Variants in TNR observed in about 807,000 individuals in gnomAD.
TNR encodes the protein tenascin R, also known as tenascin-R.
TNR carries 45 observed loss-of-function variants against 150.4 expected under a neutral mutation model. That is an observed-to-expected ratio of 0.30 (90% CI 0.24 to 0.38). TNR has a LOEUF of 0.38. Ranked by LOEUF, TNR falls within the 10% of genes least tolerant of loss-of-function variation. The probability of loss-of-function intolerance (pLI) is 1.00; values close to 1 mark genes in which losing one functional copy is unlikely to be tolerated. For synonymous variants in TNR, 687 were observed against 678.4 expected, an observed-to-expected ratio of 1.01 and a Z score of -0.20; for missense variants, 1,544 against 1,759.1, an observed-to-expected ratio of 0.88 and a Z score of 2.19.
At chr1:175,513,415 G>A (rs1659275052) in intron 2 of TNR, among the ~76,000 whole-genome samples, 1 of 152,082 alleles carries the variant, frequency 6.6e-6, no homozygotes, top group Non-Finnish European at 1.5e-5. Flanking sequence ...TTTTGGAGTT[G>A]GTCTGCCTGC....
intron 1 of TNR, among the ~76,000 whole-genome samples, chr1:175,535,270 C>T (rs1660228893): frequency 6.6e-6 from 1 of 152,124 alleles, no homozygotes; most frequent in Non-Finnish European, 1.5e-5. Flanking sequence ...AAGTTACAAT[C>T]GAATAATCCT....
chr1:175,560,552 T>C (rs1661382477), intron 1 of TNR, among the ~76,000 whole-genome samples: 1 of 152,244 alleles, frequency 6.6e-6, no homozygotes, highest in South Asian at 2.1e-4. Context: ...GGGATTCCAT[T>C]TAATATGCCT....
At chr1:175,513,131 G>T (rs1659258382) in intron 2 of TNR, among the ~76,000 whole-genome samples, 1 of 152,186 alleles carries the variant, frequency 6.6e-6, no homozygotes, top group Non-Finnish European at 1.5e-5. Context: ...TAAATTGGTG[G>T]ATAACATGGT....
At chr1:175,535,444 TTTTTTG>T (rs917895557) in intron 1 of TNR, among the ~76,000 whole-genome samples, 12 of 98,840 alleles carry the variant, frequency 1.2e-4, no homozygotes, top group African/African-American at 2.5e-4. Context: ...TATTTATTTA[TTTTTTG>T]TTGTTGTTGT....
At chr1:175,687,082 T>C (rs770829020) in intron 1 of TNR, among the ~76,000 whole-genome samples, 4 of 152,192 alleles carry the variant, frequency 2.6e-5, no homozygotes, top group Non-Finnish European at 5.9e-5. Context: ...GTTGCATCTA[T>C]GCTCAGCCCC....
At chr1:175,552,705 T>G (rs1660995386) in intron 1 of TNR, among the ~76,000 whole-genome samples, 2 of 152,320 alleles carry the variant, frequency 1.3e-5, no homozygotes, top group African/African-American at 4.8e-5. Context: ...TTTGTGATAT[T>G]GAGTCTTTCT....
chr1:175,486,161 CATGTGCAGA>C (rs1658002881), intron 2 of TNR, among the ~76,000 whole-genome samples: 1 of 150,868 alleles, frequency 6.6e-6, no homozygotes, highest in African/African-American at 2.4e-5. Context: ...TTCTGGGATA[CATGTGCAGA>C]ATGTGCAGGT....
chr1:175,643,499 T>C (rs139333967), intron 1 of TNR, among the ~76,000 whole-genome samples: 2,412 of 152,304 alleles, frequency 0.016, 32 homozygotes, highest in Admixed American at 0.045. Flanking sequence ...GACACGGTGC[T>C]TTGTTGGACA....
At chr1:175,408,526 T>C (rs781401686) in intron 2 of TNR, among the ~76,000 whole-genome samples, 4 of 152,194 alleles carry the variant, frequency 2.6e-5, no homozygotes, top group South Asian at 4.1e-4. Context: ...GCTTCCAATA[T>C]GGACAGGGAG....
chr1:175,486,283 C>T (rs1658010210), intron 2 of TNR, among the ~76,000 whole-genome samples: 1 of 151,678 alleles, frequency 6.6e-6, no homozygotes. Context: ...TATCCCCCCA[C>T]CCCTCGACAG....
In TNR at chr1:175,477,611, AATC is replaced by A. The variant is rs138088448; in HGVS notation, c.-64+50655_-64+50657del. On this transcript the variant is annotated intron_variant, in intron 2 of 22. Transcript: ENST00000367674. ...AAATGGACAAGCCCACCACAATAGA[AATC>A]ATACAAATATGAGACCCAGAAAGAT... Among the ~76,000 whole-genome samples, 1,488 of 152,352 alleles carry A rather than the reference AATC, an allele frequency of 9.8e-3. 12 individuals carry two copies. Among genetic ancestry groups the A allele is most frequent in the South Asian group, 0.028 (137 of 4,828 alleles).
intron 1 of TNR, among the ~76,000 whole-genome samples, chr1:175,595,755 C>T (rs1662981784): frequency 2.6e-5 from 4 of 152,132 alleles, no homozygotes; most frequent in South Asian, 2.1e-4. Context: ...AGTTAAAAAT[C>T]GTTAGCTAGT....
At chr1:175,330,888 C>A (rs891295461) in intron 20 of TNR, among the ~76,000 whole-genome samples, 2 of 152,228 alleles carry the variant, frequency 1.3e-5, no homozygotes, top group Non-Finnish European at 2.9e-5. Flanking sequence ...CCTCATTCAT[C>A]TGCTTCTTCC....
chr1:175,493,812 G>A (rs1457393358), intron 2 of TNR, among the ~76,000 whole-genome samples: 2 of 152,154 alleles, frequency 1.3e-5, no homozygotes, highest in Non-Finnish European at 2.9e-5. Flanking sequence ...CCATATGGCT[G>A]CGTGGCCACA....
chr1:175,703,071 TGGAA>T (rs1347168611), intron 1 of TNR, among the ~76,000 whole-genome samples: 1 of 149,632 alleles, frequency 6.7e-6, no homozygotes, highest in East Asian at 1.9e-4. Flanking sequence ...AAAAAAAAAA[TGGAA>T]GGGAGGGAAG....
intron 1 of TNR, chr1:175,556,471 ACT>A (rs1196638635): frequency 2.0e-5 from 3 of 152,154 alleles, no homozygotes; most frequent in Admixed American, 6.5e-5. Context: ...GTCTCTCTAA[ACT>A]CTGTGAAAAC....
intron 1 of TNR, among the ~76,000 whole-genome samples, chr1:175,670,997 G>A (rs1665681108): frequency 6.6e-6 from 1 of 152,154 alleles, no homozygotes; most frequent in East Asian, 1.9e-4. Flanking sequence ...AATAATTCAG[G>A]TGAAGGATGA....
At chr1:175,332,123 C>T (rs1448129637) in intron 20 of TNR, among the ~76,000 whole-genome samples, 8 of 152,198 alleles carry the variant, frequency 5.3e-5, no homozygotes, top group Non-Finnish European at 1.5e-5. Context: ...CTTGCAGCTG[C>T]CTTCTTCTTG....
chr1:175,535,420 A>C (rs1478849905), intron 1 of TNR, among the ~76,000 whole-genome samples: 1 of 151,160 alleles, frequency 6.6e-6, no homozygotes, highest in Non-Finnish European at 1.5e-5. Context: ...CTTTATCTGT[A>C]TTTCTTTTTT....
Sources: gnomAD v4.1 joint callset for allele counts (sites outside exome capture counted in the v4.1 genomes callset) on GRCh38, gnomAD v4.1.1 for gene constraint, MANE v1.5 for transcripts, NCBI Gene and HGNC (gene_info 2026-07-23, HGNC 2026-07-21) for gene names.